The following PUDP variants were observed in gnomAD, a reference collection of about 807,000 sequenced individuals.
PUDP encodes the protein pseudouridine-5'-phosphatase.
A neutral mutation model predicts 9.4 loss-of-function variants in PUDP; 8 were observed. The observed-to-expected ratio is 0.85, with a 90% confidence interval of 0.50 to 1.53. The LOEUF is 1.53. Among genes scored for constraint, PUDP ranks in the 40% most tolerant of loss-of-function variants. The pLI is 0.00. For missense variants in PUDP, 188 were observed against 189.7 expected, an observed-to-expected ratio of 0.99 and a Z score of 0.05; for synonymous variants, 99 against 80.7, an observed-to-expected ratio of 1.23 and a Z score of -1.22.
At chrX:6,999,613 A>C (rs1929297183) in intron 1 of PUDP, among the ~76,000 whole-genome samples, 1 of 110,703 alleles carries the variant, frequency 9.0e-6, no homozygotes. Flanking sequence ...AGCAGAGATG[A>C]CTATTTTAAG....
At chrX:7,074,355 G>C (rs1368407458) in intron 3 of PUDP, among the ~76,000 whole-genome samples, 1 of 112,246 alleles carries the variant, frequency 8.9e-6, no homozygotes, top group Non-Finnish European at 1.9e-5. Flanking sequence ...GACAACAAAG[G>C]GGACCCTATC....
chrX:6,946,167 G>A (rs1232539432), intron 3 of PUDP, among the ~76,000 whole-genome samples: 1 of 111,517 alleles, frequency 9.0e-6, no homozygotes, highest in Admixed American at 9.6e-5. Flanking sequence ...GAGGGTGTTA[G>A]TGTCTTCTGC....
At chrX:6,867,347 C>A (rs753329579) in intron 3 of PUDP, among the ~76,000 whole-genome samples, 5 of 112,007 alleles carry the variant, frequency 4.5e-5, no homozygotes, top group Non-Finnish European at 7.5e-5. Flanking sequence ...AGATTCAGCA[C>A]TAAGCAAGGA....
intron 3 of PUDP, among the ~76,000 whole-genome samples, chrX:6,780,675 G>A (rs958493675): frequency 3.6e-5 from 4 of 111,256 alleles, no homozygotes; most frequent in Non-Finnish European, 5.7e-5. Flanking sequence ...GCATGATGGC[G>A]AATGAATTCC....
intron 2 of PUDP, among the ~76,000 whole-genome samples, chrX:7,091,487 C>T (rs1312907654): frequency 1.8e-5 from 2 of 111,464 alleles, no homozygotes; most frequent in Non-Finnish European, 3.8e-5. Flanking sequence ...TACAGGCGCC[C>T]GCCACCATGC....
At chrX:7,045,952 G>A (rs1241444108), downstream of PUDP, among the ~76,000 whole-genome samples, 1 of 112,247 alleles carries the variant, frequency 8.9e-6, no homozygotes, top group African/African-American at 3.2e-5. Flanking sequence ...GAAATGCAGT[G>A]AAAACATCCT....
intron 1 of PUDP, among the ~76,000 whole-genome samples, chrX:6,986,184 CG>C (rs1929100301): frequency 1.8e-5 from 2 of 112,259 alleles, no homozygotes; most frequent in African/African-American, 6.5e-5. Flanking sequence ...CAGCAGCCCT[CG>C]GGGCTGACCT....
At position 7,040,681 on chromosome X, in the gene PUDP, G is replaced by A. The variant is rs184230693; in HGVS notation, c.204+36539C>T. Among the ~76,000 whole-genome samples, 3 of 111,705 alleles carry A rather than the reference G, an allele frequency of 2.7e-5. No individual in the cohort carries two copies. In the East Asian group the frequency reaches 8.5e-4, roughly 32 times the overall value. On this transcript the variant is annotated intron_variant and NMD_transcript_variant, in intron 1 of 3. Coordinates refer to the PUDP transcript ENST00000655425. ...GTTCTACTTTTAAGAATGGTACTGG[G>A]CTCCTCTGATATTCAAGAAAGGCCC...
chrX:6,851,559 A>C (rs756508795), intron 3 of PUDP, among the ~76,000 whole-genome samples: 1 of 111,871 alleles, frequency 8.9e-6, no homozygotes, highest in Admixed American at 9.5e-5. Context: ...AAACCTTATT[A>C]ATTGCATTAT....
At chrX:6,751,621 A>G (rs1368739955) in intron 3 of PUDP, among the ~76,000 whole-genome samples, 3 of 111,307 alleles carry the variant, frequency 2.7e-5, no homozygotes, top group East Asian at 2.8e-4. Context: ...CTTTGAGATC[A>G]TTTTTCAAGA....
intron 3 of PUDP, among the ~76,000 whole-genome samples, chrX:7,054,805 T>C (rs1930195825): frequency 1.8e-5 from 2 of 111,937 alleles, no homozygotes; most frequent in Non-Finnish European, 3.8e-5. Flanking sequence ...GAGAATTCCA[T>C]TTGATCAAGA....
rs906107464 is a variant in PUDP at position 6,832,462 on chromosome X, C to G, written c.*248-125996G>C. Reference sequence around the variant, plus strand: ...TGGGACGCCAAGGCAATGTGGTAAACAAAAAACAAAAAGTTGGCCACTACC... The same window carrying G: ...TGGGACGCCAAGGCAATGTGGTAAAGAAAAAACAAAAAGTTGGCCACTACC... On this transcript the variant is annotated intron_variant and NMD_transcript_variant, in intron 3 of 3. Coordinates refer to the PUDP transcript ENST00000655425. Among the ~76,000 whole-genome samples the G allele has an allele frequency of 8.9e-5, 10 of 111,776 alleles. 1 individual carries two copies. Among genetic ancestry groups the G allele is most frequent in the Non-Finnish European group, 1.7e-4 (9 of 53,083 alleles).
At chrX:7,079,469 C>T (rs1205029640) in intron 2 of PUDP, among the ~76,000 whole-genome samples, 1 of 112,393 alleles carries the variant, frequency 8.9e-6, no homozygotes, top group African/African-American at 3.2e-5. Context: ...GCAACCTGAC[C>T]TAATTGACGT....
At chrX:7,131,075 T>C (rs1334496913) in intron 1 of PUDP, among the ~76,000 whole-genome samples, 1 of 111,390 alleles carries the variant, frequency 9.0e-6, no homozygotes, top group Non-Finnish European at 1.9e-5. Flanking sequence ...AGGTGCCCAG[T>C]CTTTCAGTTT....
At chrX:6,994,013 T>G (rs748401453) in intron 1 of PUDP, among the ~76,000 whole-genome samples, 3 of 112,918 alleles carry the variant, frequency 2.7e-5, no homozygotes, top group Non-Finnish European at 5.6e-5. Context: ...TAACTGCTAT[T>G]GAGTCCATCA....
intron 1 of PUDP, among the ~76,000 whole-genome samples, chrX:7,016,790 C>T (rs1285373086): frequency 9.0e-6 from 1 of 110,653 alleles, no homozygotes; most frequent in Non-Finnish European, 1.9e-5. Flanking sequence ...AACACTGGAG[C>T]CAATGTTGGG....
chrX:6,933,919 G>A (rs1352938994), intron 3 of PUDP, among the ~76,000 whole-genome samples: 1 of 108,958 alleles, frequency 9.2e-6, no homozygotes, highest in African/African-American at 3.3e-5. Flanking sequence ...AAGCGAGAAG[G>A]GAAGTTTAGA....
chrX:6,782,303 C>T (rs1391539165), intron 3 of PUDP, among the ~76,000 whole-genome samples: 2 of 111,635 alleles, frequency 1.8e-5, no homozygotes, highest in Admixed American at 9.6e-5. Context: ...GGCACAGTGG[C>T]TCACGTCTGT....
intron 3 of PUDP, among the ~76,000 whole-genome samples, chrX:6,940,019 G>C (rs1928376909): frequency 8.9e-6 from 1 of 112,817 alleles, no homozygotes. Context: ...CTTCTATACA[G>C]TTGTGTTAAC....
Sources: allele counts gnomAD v4.1 joint callset (sites outside exome capture counted in the v4.1 genomes callset), GRCh38; gene constraint gnomAD v4.1.1; transcripts MANE v1.5; gene names NCBI Gene and HGNC (gene_info 2026-07-23, HGNC 2026-07-21).